Variants in SMOC2 observed in about 807,000 individuals in gnomAD.
The protein encoded by SMOC2 is SPARC related modular calcium binding 2.
Under a neutral mutation model 61.4 loss-of-function variants are expected in SMOC2, and 39 were observed. That is an observed-to-expected ratio of 0.64 (90% CI 0.49 to 0.83). The LOEUF is 0.83. Among genes scored for constraint, SMOC2 ranks in the 40% least tolerant of loss-of-function variants. The probability of loss-of-function intolerance (pLI) is 0.00; values close to 1 mark genes in which losing one functional copy is unlikely to be tolerated. For synonymous variants in SMOC2, 247 were observed against 239.9 expected, an observed-to-expected ratio of 1.03 and a Z score of -0.27; for missense variants, 556 against 592.9, an observed-to-expected ratio of 0.94 and a Z score of 0.65.
intron 7 of SMOC2, among the ~76,000 whole-genome samples, chr6:168,576,659 G>A (rs1241629266): frequency 6.6e-6 from 1 of 151,992 alleles, no homozygotes; most frequent in Non-Finnish European, 1.5e-5. Context: ...GGAGCTCTAA[G>A]TGCAGTGGGA....
chr6:168,474,404 G>A (rs533405939), intron 1 of SMOC2, among the ~76,000 whole-genome samples: 1 of 152,156 alleles, frequency 6.6e-6, no homozygotes, highest in Admixed American at 6.5e-5. Context: ...CCACCCTCTC[G>A]TGATTTTGTT....
rs552020044 is a variant in SMOC2 at position 168,650,743 on chromosome 6, A to G, written c.970A>G (p.Met324Val). The G allele has an allele frequency of 1.2e-6, 2 of 1,613,466 alleles. No individual in the cohort carries two copies. The highest frequency in any genetic ancestry group is 2.2e-5 in the South Asian group (2 of 91,064). Residue 324 changes from methionine (M) to valine (V), a missense_variant, in exon 10 of 13, where the codon ATG becomes GTG. Transcript: ENST00000356284. The part of the protein sequence containing the change: ...TSVLDALSTD[M>V]VHAASDPSSS... ...CGTTCTGGACGCGCTGTCCACGGACATGGTCCACGCCGCCTCCGACCCCTC... is the reference window on the plus strand; with the variant it reads ...CGTTCTGGACGCGCTGTCCACGGACGTGGTCCACGCCGCCTCCGACCCCTC...
chr6:168,647,399 A>G (rs1320558791), intron 9 of SMOC2, among the ~76,000 whole-genome samples: 1 of 152,180 alleles, frequency 6.6e-6, no homozygotes. Flanking sequence ...CCTGAATCAC[A>G]CACCACAAAA....
chr6:168,543,101 G>T (rs1783909047), intron 4 of SMOC2, among the ~76,000 whole-genome samples: 1 of 152,136 alleles, frequency 6.6e-6, no homozygotes, highest in Admixed American at 6.5e-5. Flanking sequence ...TTTGTAATAT[G>T]CATCTTTCAG....
chr6:168,494,622 G>A (rs937232381), intron 1 of SMOC2, among the ~76,000 whole-genome samples: 3 of 152,214 alleles, frequency 2.0e-5, no homozygotes, highest in African/African-American at 7.2e-5. Context: ...TTTGACTTAC[G>A]CTGCTTAGAG....
At chr6:168,463,111 G>T (rs1781752232) in intron 1 of SMOC2, among the ~76,000 whole-genome samples, 1 of 152,252 alleles carries the variant, frequency 6.6e-6, no homozygotes, top group East Asian at 1.9e-4. Context: ...GAGCCGTGGT[G>T]TGACAGGGGC....
chr6:168,515,589 G>A (rs1251100946), intron 2 of SMOC2, among the ~76,000 whole-genome samples: 3 of 6,556 alleles, frequency 4.6e-4, no homozygotes, highest in East Asian at 0.056. Flanking sequence ...GGCTCGTGGC[G>A]GAAGACGGGC....
At chr6:168,529,339 G>A (rs1380227784) in intron 4 of SMOC2, among the ~76,000 whole-genome samples, 6 of 152,230 alleles carry the variant, frequency 3.9e-5, no homozygotes, top group Non-Finnish European at 5.9e-5. Context: ...CCAGGCGTGC[G>A]AGATGAAAAG....
chr6:168,574,884 C>A (rs1294711568), intron 7 of SMOC2, among the ~76,000 whole-genome samples: 1 of 152,200 alleles, frequency 6.6e-6, no homozygotes, highest in Non-Finnish European at 1.5e-5. Flanking sequence ...TTTGCATGAA[C>A]CAGAACAAAA....
chr6:168,664,382 ATCT>A (rs1787600201), intron 12 of SMOC2: 27 of 302,708 alleles, frequency 8.9e-5, no homozygotes, highest in African/African-American at 2.2e-4. Flanking sequence ...TGTTTGGTAG[ATCT>A]TTTTTTTTTT....
At chr6:168,508,936 A>G (rs148550939) in intron 1 of SMOC2, among the ~76,000 whole-genome samples, 1 of 152,276 alleles carries the variant, frequency 6.6e-6, no homozygotes, top group African/African-American at 2.4e-5. Context: ...TAGTCTGGGG[A>G]CCAAAGGCCT....
intron 1 of SMOC2, among the ~76,000 whole-genome samples, chr6:168,450,313 A>T (rs779377469): frequency 6.6e-6 from 1 of 152,202 alleles, no homozygotes; most frequent in Non-Finnish European, 1.5e-5. Flanking sequence ...CTTGGATCCT[A>T]TATAAGAAGT....
intron 11 of SMOC2, among the ~76,000 whole-genome samples, chr6:168,659,351 C>T (rs542791406): frequency 5.9e-5 from 9 of 151,874 alleles, no homozygotes; most frequent in Admixed American, 5.3e-4. Context: ...ACAGAGGGAG[C>T]AAGGGACTGG....
At chr6:168,639,849 G>A (rs1238471104) in intron 9 of SMOC2, among the ~76,000 whole-genome samples, 5 of 152,286 alleles carry the variant, frequency 3.3e-5, no homozygotes, top group East Asian at 1.9e-4. Flanking sequence ...CCCAGTTGCC[G>A]GTCCTGTTTG....
intron 1 of SMOC2, among the ~76,000 whole-genome samples, chr6:168,457,153 C>G (rs772429508): frequency 6.6e-6 from 1 of 152,230 alleles, no homozygotes; most frequent in African/African-American, 2.4e-5. Flanking sequence ...CTCCCTTCCA[C>G]GGTCACCTGG....
intron 9 of SMOC2, among the ~76,000 whole-genome samples, chr6:168,616,017 T>C (rs191965861): frequency 6.6e-6 from 1 of 152,206 alleles, no homozygotes; most frequent in African/African-American, 2.4e-5. Context: ...CCAGGTATCA[T>C]GTGACATGTA....
intron 9 of SMOC2, 41 bp downstream of exon 9, chr6:168,608,280 C>T: frequency 6.3e-7 from 1 of 1,585,800 alleles, no homozygotes; most frequent in Non-Finnish European, 8.6e-7. Context: ...CCACAGGCCC[C>T]ACCATGCAGT....
intron 7 of SMOC2, among the ~76,000 whole-genome samples, chr6:168,550,914 G>A (rs543758624): frequency 6.6e-6 from 1 of 152,282 alleles, no homozygotes; most frequent in Admixed American, 6.5e-5. Context: ...GTATATGAGA[G>A]ATTAATTAAA....
chr6:168,578,845 T>C (rs1445192622), intron 7 of SMOC2, among the ~76,000 whole-genome samples: 1 of 152,166 alleles, frequency 6.6e-6, no homozygotes, highest in Non-Finnish European at 1.5e-5. Context: ...CTTTTCTTCC[T>C]TGTGTTAAAG....
Sources: allele counts gnomAD v4.1 joint callset (sites outside exome capture counted in the v4.1 genomes callset), GRCh38; gene constraint gnomAD v4.1.1; transcripts MANE v1.5; gene names NCBI Gene and HGNC (gene_info 2026-07-23, HGNC 2026-07-21).